The following CRISP2 variants were observed in gnomAD, a reference collection of about 807,000 sequenced individuals.
CRISP2 encodes cysteine rich secretory protein 2.
A neutral mutation model predicts 31.7 loss-of-function variants in CRISP2; 29 were observed. The observed-to-expected ratio is 0.92, with a 90% CI of 0.68 to 1.25. The LOEUF is 1.25. Ranked by LOEUF, CRISP2 falls within the 50% of genes most tolerant of loss-of-function variation. The pLI is 0.00. For missense variants in CRISP2, 318 were observed against 286.5 expected (o/e 1.11, Z -0.79); for synonymous variants, 111 against 101.4 (o/e 1.09, Z -0.57).
chr6:49,713,972 A>G (rs1443622018), upstream of CRISP2, among the ~76,000 whole-genome samples: 1 of 152,188 alleles, frequency 6.6e-6, no homozygotes, highest in Non-Finnish European at 1.5e-5. Flanking sequence ...CTCCAGTTAC[A>G]CAGGTTGTCA....
chr6:49,695,646 C>G (rs144757164), intron 9 of CRISP2, among the ~76,000 whole-genome samples, 190 bp downstream of exon 9: 31 of 152,250 alleles, frequency 2.0e-4, no homozygotes, highest in Admixed American at 1.6e-3. Flanking sequence ...ATATGCTTTT[C>G]ATTACAAATA....
intron 9 of CRISP2, among the ~76,000 whole-genome samples, chr6:49,694,488 C>T (rs1764405740): frequency 6.6e-6 from 1 of 152,094 alleles, no homozygotes; most frequent in South Asian, 2.1e-4. Context: ...CTGTGGGTTT[C>T]TTACTGGTGT....
downstream of CRISP2, among the ~76,000 whole-genome samples, chr6:49,690,379 T>C (rs1003913260): frequency 2.0e-5 from 3 of 152,066 alleles, no homozygotes; most frequent in African/African-American, 4.8e-5. Context: ...TAATTTCATA[T>C]GAAACATTTG....
At chr6:49,683,680 AAAAAAAAAAAAAAAATATAT>A in the CRISP2 span, among the ~76,000 whole-genome samples, 18 of 34,384 alleles carry the variant, frequency 5.2e-4, no homozygotes, top group African/African-American at 1.6e-3. Context: ...AAAAAAAAAA[AAAAAAAAAAAAAAAATATAT>A]ATATATATAT....
chr6:49,701,858 ATAT>A lies in CRISP2; in HGVS notation c.67-1077_67-1075del, dbSNP rs1375824849. ...AATAATAATATATATTATATAATAT[ATAT>A]TATTATATATTATGTATTATATATT... is the stretch of plus-strand genomic sequence containing the variant. On this transcript the variant is annotated intron_variant, in intron 4 of 9. Coordinates refer to ENST00000339139, the MANE Select transcript of CRISP2 (RefSeq NM_003296.4). Among the ~76,000 whole-genome samples the A allele has an allele frequency of 2.0e-4, 20 of 101,844 alleles. No homozygotes were observed. The South Asian group carries it at 2.5e-3, about 13-fold the overall frequency. 66.8% of individuals were successfully genotyped at this position (101,844 alleles called of 152,430 possible).
At chr6:49,693,849 T>C (rs905038004) in intron 9 of CRISP2, among the ~76,000 whole-genome samples, 1 of 152,198 alleles carries the variant, frequency 6.6e-6, no homozygotes, top group Non-Finnish European at 1.5e-5. Flanking sequence ...CTGTGTTTTA[T>C]TGAAGTTTGT....
intron 4 of CRISP2, among the ~76,000 whole-genome samples, chr6:49,707,510 C>T (rs551501268): frequency 9.2e-5 from 14 of 152,006 alleles, no homozygotes; most frequent in Middle Eastern, 3.4e-3. Flanking sequence ...TAAATGAAGA[C>T]CAGGAGATGA....
At chr6:49,697,066 A>G (rs948683934) in intron 8 of CRISP2, among the ~76,000 whole-genome samples, 1 of 152,178 alleles carries the variant, frequency 6.6e-6, no homozygotes, top group Non-Finnish European at 1.5e-5. Context: ...GGAATCGTAC[A>G]TCATCTTCGC....
At chr6:49,709,298 A>G (rs931614642) in intron 3 of CRISP2, 93 bp from the exon 4 acceptor site, 82 of 1,054,840 alleles carry the variant, frequency 7.8e-5, no homozygotes, top group Middle Eastern at 2.1e-4. Context: ...CGATTATCTC[A>G]AAGGAACTGT....
At chr6:49,682,655 T>TTTCTTCTTTCTTTCTTTTCTTTC in the CRISP2 span, among the ~76,000 whole-genome samples, 1 of 52,048 alleles carries the variant, frequency 1.9e-5, no homozygotes, top group African/African-American at 9.4e-5. Context: ...TCTTTCTTTC[T>TTTCTTCTTTCTTTCTTTTCTTTC]TTTCTTTCTT....
At chr6:49,694,594 C>A (rs528852564) in intron 9 of CRISP2, among the ~76,000 whole-genome samples, 1 of 152,264 alleles carries the variant, frequency 6.6e-6, no homozygotes, top group South Asian at 2.1e-4. Flanking sequence ...TCTCTCCCCT[C>A]TGTGTTACCT....
At chr6:49,708,681 G>C (rs1454533879) in intron 4 of CRISP2, among the ~76,000 whole-genome samples, 1 of 152,290 alleles carries the variant, frequency 6.6e-6, no homozygotes, top group East Asian at 1.9e-4. Flanking sequence ...ATAACTGTGA[G>C]AGAATAAGTT....
chr6:49,698,421 C>T lies in CRISP2; in HGVS notation c.358G>A (p.Asp120Asn), dbSNP rs768423454. The change falls in exon 7 of 10, where the codon GAT (aspartate) becomes AAT (asparagine). Residue 120 changes from aspartate (D) to asparagine (N), a missense_variant. Coordinates refer to ENST00000339139, the MANE Select transcript of CRISP2 (RefSeq NM_003296.4). ...AIQSWYDEIL[D>N]FVYGVGPKSP... ...TTTGGTCCTACACCATAGACAAAAT[C>T]TAGGATCTCGTCATACCAGCTTTGG... 3 of 1,613,524 alleles carry T rather than the reference C, an allele frequency of 1.9e-6. No homozygotes were observed. Among genetic ancestry groups the T allele is most frequent in the South Asian group, 2.2e-5 (2 of 91,012 alleles).
At chr6:49,703,229 T>C (rs1561881222) in intron 4 of CRISP2, among the ~76,000 whole-genome samples, 1 of 152,200 alleles carries the variant, frequency 6.6e-6, no homozygotes, top group Non-Finnish European at 1.5e-5. Flanking sequence ...AGCCATGTAG[T>C]ATAGTTTAAA....
the CRISP2 span, among the ~76,000 whole-genome samples, chr6:49,682,454 T>C: frequency 6.9e-6 from 1 of 145,942 alleles, no homozygotes; most frequent in Non-Finnish European, 1.5e-5. Context: ...CTTTCTTCCT[T>C]CCTTCTTCCC....
intron 2 of CRISP2, 50 bp downstream of exon 2, chr6:49,712,451 T>C (rs1402702214): frequency 6.6e-6 from 1 of 151,544 alleles, no homozygotes; most frequent in Non-Finnish European, 1.5e-5. Context: ...TAAACCCATA[T>C]TGATATATAG....
At chr6:49,701,005 G>A (rs749323297) in intron 4 of CRISP2, among the ~76,000 whole-genome samples, 4 of 152,024 alleles carry the variant, frequency 2.6e-5, no homozygotes, top group Non-Finnish European at 5.9e-5. Context: ...AAATAGTAAA[G>A]TAGTAGACTG....
chr6:49,712,338 A>C (rs1768170891), intron 2 of CRISP2, among the ~76,000 whole-genome samples, 163 bp downstream of exon 2: 1 of 152,168 alleles, frequency 6.6e-6, no homozygotes, highest in Non-Finnish European at 1.5e-5. Flanking sequence ...CATCTAACCT[A>C]TACTCATCTT....
intron 4 of CRISP2, among the ~76,000 whole-genome samples, chr6:49,701,510 A>G (rs1281696047): frequency 7.9e-6 from 1 of 127,190 alleles, no homozygotes; most frequent in African/African-American, 3.2e-5. Context: ...GTATATATAT[A>G]TATATATATA....
Sources: gnomAD v4.1 joint callset for allele counts (sites outside exome capture counted in the v4.1 genomes callset) on GRCh38, gnomAD v4.1.1 for gene constraint, MANE v1.5 for transcripts, NCBI Gene and HGNC (gene_info 2026-07-23, HGNC 2026-07-21) for gene names.